Variants in PEX26 observed in about 807,000 individuals in gnomAD.
PEX26 encodes peroxisomal biogenesis factor 26.
Under a neutral mutation model 31.4 loss-of-function variants are expected in PEX26, and 18 were observed. That is an observed-to-expected ratio of 0.57 (90% CI 0.40 to 0.85). The LOEUF is 0.85. PEX26 is among the 40% of genes least tolerant of loss of function. The probability of loss-of-function intolerance (pLI) is 0.00; values close to 1 mark genes in which losing one functional copy is unlikely to be tolerated. For synonymous variants in PEX26, 176 were observed against 166.9 expected, an observed-to-expected ratio of 1.05 and a Z score of -0.42; for missense variants, 377 against 383.9, an observed-to-expected ratio of 0.98 and a Z score of 0.15.
At chr22:18,078,752 C>G (rs1926418350) in intron 1 of PEX26, 146 bp downstream of exon 1, 1 of 789,022 alleles carries the variant, frequency 1.3e-6, no homozygotes, top group Admixed American at 2.0e-5. Context: ...AGGGTGGTCG[C>G]TCATCGTGTG....
chr22:18,085,061 G>A (rs370492037), intron 3 of PEX26, 51 bp from the exon 4 acceptor site: 39 of 1,607,796 alleles, frequency 2.4e-5, no homozygotes, highest in Non-Finnish European at 3.3e-5. Flanking sequence ...CGGGGTCAGG[G>A]AAGCTGATTC....
In PEX26 at chr22:18,083,856, A is replaced by G. The variant is rs1174216837; in HGVS notation, c.667+124A>G. On this transcript the variant is annotated intron_variant, in intron 3 of 4. Transcript: ENST00000399744. ...TCTTTGTATGAATAACTCTTGAGTC[A>G]CAGAATAGGAGGCCTGTTGATTTGC... The G allele has an allele frequency of 3.4e-6, 3 of 887,272 alleles. No individual in the cohort carries two copies. The East Asian group carries it at 7.9e-5, about 23-fold the overall frequency. The allele number at this position is 887,272 out of a possible 1,614,324, so 55.0% of individuals were successfully genotyped here.
chr22:18,080,600 G>T lies in PEX26; in HGVS notation c.371+586G>T, dbSNP rs1926532536. The stretch of plus-strand genomic sequence containing the variant: ...CTGCCTCGGCATCCCAAAGTGCTGG[G>T]ATTACAGATGTGAGCCATCGCCCCT... On this transcript the variant is annotated intron_variant, in intron 2 of 4. Transcript: ENST00000399744. Among the ~76,000 whole-genome samples, 2 of 152,166 alleles carry T rather than the reference G, an allele frequency of 1.3e-5. 1 individual carries two copies. Among genetic ancestry groups the T allele is most frequent in the South Asian group, 4.1e-4 (2 of 4,826 alleles).
chr22:18,085,613 G>A (rs1569188765), intron 4 of PEX26, among the ~76,000 whole-genome samples: 2 of 152,222 alleles, frequency 1.3e-5, no homozygotes, highest in African/African-American at 4.8e-5. Flanking sequence ...GCTCACGCCT[G>A]TAATCCCAGC....
At position 18,101,153 on chromosome 22, in the gene PEX26, G is replaced by A. The variant is rs766236236; in HGVS notation, c.*13078G>A. The A allele has an allele frequency of 3.3e-5, 5 of 152,154 alleles. No homozygotes were observed. Among genetic ancestry groups the A allele is most frequent in the Admixed American group, 1.3e-4 (2 of 15,262 alleles). 9.4% of individuals were successfully genotyped at this position (152,154 alleles called of 1,614,324 possible). ...CTTAAAAGAGACTTCTAGAAACAGT[G>A]GGACTGTATCAGGATCAACAGAAGA... On this transcript the variant is annotated 3_prime_UTR_variant, in exon 5 of 5. Coordinates refer to ENST00000399744, the MANE Select transcript of PEX26 (RefSeq NM_001127649.3).
intron 2 of PEX26, among the ~76,000 whole-genome samples, chr22:18,082,382 T>A (rs1032737998): frequency 3.3e-5 from 5 of 152,162 alleles, no homozygotes; most frequent in Non-Finnish European, 5.9e-5. Flanking sequence ...TTGAGTTAAT[T>A]TTTGTATGTG....
intron 2 of PEX26, 127 bp from the exon 3 acceptor site, chr22:18,083,310 A>G: frequency 1.1e-6 from 1 of 948,240 alleles, no homozygotes; most frequent in Non-Finnish European, 1.7e-6. Context: ...TCATCATTTC[A>G]TCGGAAAGGG....
rs542701056 is a variant in PEX26, at chr22:18,089,188, C to A, written c.*1113C>A. ...TGTATCCTTGCCTCCTTGGTACACA[C>A]CATTTCAGGTTCTTCCCTTTCTGTG... is the stretch of plus-strand genomic sequence containing the variant. On this transcript the variant is annotated 3_prime_UTR_variant, in exon 5 of 5. Transcript: ENST00000399744. The A allele has an allele frequency of 6.5e-6, 1 of 152,826 alleles. No individual in the cohort carries two copies. Among genetic ancestry groups the A allele is most frequent in the Non-Finnish European group, 1.5e-5 (1 of 68,156 alleles). 9.5% of individuals were successfully genotyped at this position (152,826 alleles called of 1,614,324 possible).
chr22:18,080,666 A>G (rs1242882676), intron 2 of PEX26, among the ~76,000 whole-genome samples: 5 of 152,178 alleles, frequency 3.3e-5, no homozygotes, highest in Middle Eastern at 3.2e-3. Context: ...ACACTTGTAC[A>G]TATTTATGGG....
At chr22:18,083,114 A>G (rs550981838) in intron 2 of PEX26, among the ~76,000 whole-genome samples, 1 of 152,176 alleles carries the variant, frequency 6.6e-6, no homozygotes, top group South Asian at 2.1e-4. Flanking sequence ...CTCCTTTCCA[A>G]TTTGGATACC....
chr22:18,079,820 G>A, intron 1 of PEX26, 54 bp from the exon 2 acceptor site: 1 of 1,607,408 alleles, frequency 6.2e-7, no homozygotes. Flanking sequence ...GTGGAGGTGG[G>A]AATGGAAATG....
In PEX26 at chr22:18,098,775, TATA is replaced by T. The variant is rs1282679332; in HGVS notation, c.*10704_*10706del. ...ATGTGTGCGTGTGTAGACATATATA[TATA>T]ATATATATACACATATGCAATGGAG... On this transcript the variant is annotated 3_prime_UTR_variant, in exon 5 of 5. Coordinates refer to ENST00000399744, the MANE Select transcript of PEX26 (RefSeq NM_001127649.3). The T allele has an allele frequency of 1.3e-5, 2 of 151,182 alleles. No homozygotes were observed. Among genetic ancestry groups the T allele is most frequent in the Non-Finnish European group, 2.9e-5 (2 of 67,858 alleles). The allele number at this position is 151,182 out of a possible 1,614,324, so 9.4% of individuals were successfully genotyped here.
chr22:18,085,478 G>A (rs563076930), intron 4 of PEX26, among the ~76,000 whole-genome samples: 1 of 152,308 alleles, frequency 6.6e-6, no homozygotes, highest in South Asian at 2.1e-4. Flanking sequence ...GCAGCCAGGA[G>A]AAAGTCCACT....
chr22:18,088,354 G>A lies in PEX26; in HGVS notation c.*279G>A, dbSNP rs147096782. The A allele has an allele frequency of 7.2e-4, 400 of 557,822 alleles. 2 individuals carry two copies. The highest frequency in any genetic ancestry group is 6.8e-3 in the African/African-American group (363 of 53,606). 34.6% of individuals were successfully genotyped at this position (557,822 alleles called of 1,614,324 possible). ...TTGAAAAGGAGGGGTTTGGGGACAG[G>A]GACTGTGTCCATGAAACATTCCATC... On this transcript the variant is annotated 3_prime_UTR_variant, in exon 5 of 5. Transcript: ENST00000399744. The surrounding 1 kb of genome is among the most constrained non-coding windows in gnomAD (Gnocchi z 4.1).
At position 18,094,238 on chromosome 22, in the gene PEX26, G is replaced by A. The variant is rs361599; in HGVS notation, c.*6163G>A. 0.33 allele frequency: 50,082 copies of A among 150,976 alleles called. 8,662 individuals are homozygous for A. Among genetic ancestry groups the A allele is most frequent in the East Asian group, 0.57 (2,944 of 5,136 alleles). The allele number at this position is 150,976 out of a possible 1,614,324, so 9.4% of individuals were successfully genotyped here. On this transcript the variant is annotated 3_prime_UTR_variant, in exon 5 of 5. Transcript: ENST00000399744. ...AAAAGCCTTTTTTTTTTGAGATGGAGTCTCGCTCTGTCACCCAGGCTGGAA... is the reference window on the plus strand; with the variant it reads ...AAAAGCCTTTTTTTTTTGAGATGGAATCTCGCTCTGTCACCCAGGCTGGAA...
chr22:18,080,285 C>G (rs895786723), intron 2 of PEX26, among the ~76,000 whole-genome samples: 1 of 152,122 alleles, frequency 6.6e-6, no homozygotes, highest in Non-Finnish European at 1.5e-5. Context: ...CAGCTTGCTA[C>G]GTCCTAGGAA....
rs779148634 is a variant in PEX26 at position 18,078,189 on chromosome 22, G to A, written c.-188G>A. ...TGTAAACTGCTTCCCCAGCCTCCAG[G>A]CGAGCCCAGCTTTTGCCTCAGATAG... On this transcript the variant is annotated 5_prime_UTR_variant, in exon 1 of 5. Transcript: ENST00000399744. The A allele has an allele frequency of 1.4e-5, 10 of 701,160 alleles. No homozygotes were observed. The highest frequency in any genetic ancestry group is 4.6e-4 in the Middle Eastern group (2 of 4,384). 43.4% of individuals were successfully genotyped at this position (701,160 alleles called of 1,614,324 possible). A position where few individuals can be genotyped will look rare whatever the true frequency, so the allele number is the denominator to read the frequency against.
Position 18,105,049 on chromosome 22 carries a change from G to A in PEX26, c.*16974G>A, listed in dbSNP as rs1456819706. 2 of 152,190 alleles carry A rather than the reference G, an allele frequency of 1.3e-5. No individual in the cohort carries two copies. Among genetic ancestry groups the A allele is most frequent in the African/African-American group, 2.4e-5 (1 of 41,440 alleles). 9.4% of individuals were successfully genotyped at this position (152,190 alleles called of 1,614,324 possible). On this transcript the variant is annotated 3_prime_UTR_variant, in exon 5 of 5. Transcript: ENST00000399744. Reference sequence around the variant, plus strand: ...ATATCGTTTGCTCTCTGGACTTCATGGGCTCACCCCAGCAATGGGGTGCCT... The same window carrying A: ...ATATCGTTTGCTCTCTGGACTTCATAGGCTCACCCCAGCAATGGGGTGCCT...
At chr22:18,081,168 T>C (rs368623496) in intron 2 of PEX26, among the ~76,000 whole-genome samples, 3 of 85,102 alleles carry the variant, frequency 3.5e-5, no homozygotes, top group African/African-American at 1.2e-4. Context: ...TATATATATA[T>C]ATATATATGC....
Sources: gnomAD v4.1 joint callset for allele counts (sites outside exome capture counted in the v4.1 genomes callset) on GRCh38, gnomAD v4.1.1 for gene constraint, Gnocchi (gnomAD v3.1) non-coding constraint, MANE v1.5 for transcripts, NCBI Gene and HGNC (gene_info 2026-07-23, HGNC 2026-07-21) for gene names.